Variants in CFAP299 observed in about 807,000 individuals in gnomAD.
CFAP299 encodes the protein cilia and flagella associated protein 299.
Under a neutral mutation model 27.0 loss-of-function variants are expected in CFAP299, and 21 were observed. The observed-to-expected ratio is 0.78, with a 90% confidence interval of 0.55 to 1.12. The LOEUF (loss-of-function observed/expected upper bound fraction) is 1.12. Among genes scored for constraint, CFAP299 ranks in the 50% most tolerant of loss-of-function variants. The probability of loss-of-function intolerance (pLI) is 0.00; values close to 1 mark genes in which losing one functional copy is unlikely to be tolerated. For missense variants in CFAP299, 310 were observed against 276.6 expected (o/e 1.12, Z -0.86); for synonymous variants, 104 against 98.1 (o/e 1.06, Z -0.36).
chr4:80,839,162 CT>C (rs1730728998), intron 3 of CFAP299, among the ~76,000 whole-genome samples: 1 of 152,104 alleles, frequency 6.6e-6, no homozygotes, highest in African/African-American at 2.4e-5. Context: ...ATACATTATG[CT>C]TTTTCATATT....
chr4:80,727,261 T>C (rs1159561541), intron 3 of CFAP299, among the ~76,000 whole-genome samples: 1 of 152,122 alleles, frequency 6.6e-6, no homozygotes, highest in African/African-American at 2.4e-5. Flanking sequence ...CCTTCTGGAA[T>C]ATTTTACTTA....
intron 2 of CFAP299, among the ~76,000 whole-genome samples, chr4:80,492,353 C>T (rs376902446): frequency 2.0e-5 from 3 of 152,206 alleles, no homozygotes; most frequent in Admixed American, 6.5e-5. Flanking sequence ...TTACAGATTT[C>T]GACTCTTTTC....
chr4:80,915,045 T>C (rs1735675670), intron 4 of CFAP299, among the ~76,000 whole-genome samples: 2 of 152,008 alleles, frequency 1.3e-5, no homozygotes, highest in Non-Finnish European at 2.9e-5. Context: ...AATATGAGAA[T>C]ATTTTTGCTA....
chr4:80,669,535 C>A (rs1229891581), intron 3 of CFAP299, among the ~76,000 whole-genome samples: 1 of 150,374 alleles, frequency 6.7e-6, no homozygotes, highest in Non-Finnish European at 1.5e-5. Context: ...TTGTGTCTTG[C>A]AAATTTACTG....
At chr4:80,656,809 C>T (rs963360727) in intron 3 of CFAP299, among the ~76,000 whole-genome samples, 5 of 152,130 alleles carry the variant, frequency 3.3e-5, no homozygotes, top group Non-Finnish European at 1.5e-5. Context: ...ACACTGTCTT[C>T]CATAATGGTT....
At chr4:80,365,224 G>A (rs936162405) in intron 2 of CFAP299, among the ~76,000 whole-genome samples, 1 of 152,170 alleles carries the variant, frequency 6.6e-6, no homozygotes, top group East Asian at 1.9e-4. Context: ...GTGTAAAAGT[G>A]TTCCTTTTTC....
chr4:80,591,867 T>C (rs1736805984), intron 3 of CFAP299, among the ~76,000 whole-genome samples: 1 of 152,228 alleles, frequency 6.6e-6, no homozygotes, highest in African/African-American at 2.4e-5. Context: ...AAAGAGAACA[T>C]TAACTACAAC....
intron 3 of CFAP299, among the ~76,000 whole-genome samples, chr4:80,832,382 T>C (rs950180282): frequency 6.6e-6 from 1 of 152,120 alleles, no homozygotes; most frequent in African/African-American, 2.4e-5. Flanking sequence ...CTACTTGAAA[T>C]GCTACATGTA....
intron 3 of CFAP299, among the ~76,000 whole-genome samples, chr4:80,758,358 C>A (rs1455850251): frequency 2.0e-5 from 3 of 152,180 alleles, no homozygotes; most frequent in African/African-American, 7.2e-5. Flanking sequence ...AGTCAAGCTG[C>A]TTCTCTCCAA....
At chr4:80,336,327 A>G (rs1326439189) in intron 1 of CFAP299, among the ~76,000 whole-genome samples, 1 of 152,172 alleles carries the variant, frequency 6.6e-6, no homozygotes, top group Non-Finnish European at 1.5e-5. Flanking sequence ...AACCTAGTGT[A>G]TTTGGTGTTA....
intron 3 of CFAP299, among the ~76,000 whole-genome samples, chr4:80,717,704 C>T (rs1265171394): frequency 6.6e-6 from 1 of 152,064 alleles, no homozygotes; most frequent in Non-Finnish European, 1.5e-5. Context: ...GTTTTACATT[C>T]ATTAGTTCTA....
At chr4:80,958,303 T>G (rs1376263704) in intron 5 of CFAP299, among the ~76,000 whole-genome samples, 3 of 152,144 alleles carry the variant, frequency 2.0e-5, no homozygotes, top group Non-Finnish European at 4.4e-5. Flanking sequence ...GCTGTTTCTG[T>G]GTGATTCAAT....
intron 2 of CFAP299, among the ~76,000 whole-genome samples, chr4:80,548,642 T>G (rs1182781139): frequency 6.6e-6 from 1 of 152,130 alleles, no homozygotes; most frequent in Non-Finnish European, 1.5e-5. Flanking sequence ...TTGGTCTTAT[T>G]CCAGTGAGGT....
intron 3 of CFAP299, among the ~76,000 whole-genome samples, chr4:80,691,433 A>T (rs1211061002): frequency 4.6e-5 from 7 of 151,404 alleles, no homozygotes; most frequent in African/African-American, 1.5e-4. Flanking sequence ...ACAGAACCAA[A>T]GACAAAAACC....
intron 3 of CFAP299, among the ~76,000 whole-genome samples, chr4:80,789,157 G>A (rs1472882037): frequency 6.8e-6 from 1 of 147,378 alleles, no homozygotes; most frequent in Non-Finnish European, 1.5e-5. Flanking sequence ...AAATAGAGGT[G>A]AATAGCTGTT....
At chr4:80,607,252 TA>T (rs1737726881) in intron 3 of CFAP299, among the ~76,000 whole-genome samples, 1 of 152,204 alleles carries the variant, frequency 6.6e-6, no homozygotes, top group South Asian at 2.1e-4. Flanking sequence ...TGTGATACCC[TA>T]AACTTCTTCA....
intron 3 of CFAP299, among the ~76,000 whole-genome samples, chr4:80,733,620 A>G (rs1018816222): frequency 3.3e-5 from 5 of 151,552 alleles, no homozygotes; most frequent in Non-Finnish European, 5.9e-5. Flanking sequence ...GCCTCCCACT[A>G]CTCTTCCCAG....
intron 3 of CFAP299, 147 bp downstream of exon 3, chr4:80,583,330 A>G (rs888306619): frequency 5.0e-6 from 2 of 403,294 alleles, no homozygotes; most frequent in African/African-American, 2.1e-5. Context: ...ATAGGAATAT[A>G]CATAGAAAGT....
intron 2 of CFAP299, among the ~76,000 whole-genome samples, chr4:80,502,390 T>G (rs2110152755): frequency 6.6e-6 from 1 of 152,232 alleles, no homozygotes; most frequent in South Asian, 2.1e-4. Context: ...AGTTATTGAC[T>G]TGAGTTTTGC....
Sources: gnomAD v4.1 joint callset for allele counts (sites outside exome capture counted in the v4.1 genomes callset) on GRCh38, gnomAD v4.1.1 for gene constraint, MANE v1.5 for transcripts, NCBI Gene and HGNC (gene_info 2026-07-23, HGNC 2026-07-21) for gene names.